The following RALGPS1 variants were observed in gnomAD, a reference collection of about 807,000 sequenced individuals.
RALGPS1 encodes Ral GEF with PH domain and SH3 binding motif 1.
In RALGPS1, 19 loss-of-function variants were observed where a neutral mutation model predicts 78.8. The observed-to-expected ratio is 0.24, with a 90% CI of 0.17 to 0.35. The LOEUF (loss-of-function observed/expected upper bound fraction) is 0.35. Among genes scored for constraint, RALGPS1 ranks in the 10% least tolerant of loss-of-function variants. The pLI, the probability that RALGPS1 is intolerant of heterozygous loss-of-function variation, is 1.00. For missense variants in RALGPS1, 454 were observed against 688.3 expected, an observed-to-expected ratio of 0.66 and a Z score of 3.81; for synonymous variants, 228 against 256.3, an observed-to-expected ratio of 0.89 and a Z score of 1.06.
intron 14 of RALGPS1, among the ~76,000 whole-genome samples, chr9:127,199,597 C>CGAGGATCCCTCTGCCTCCCTG (rs1400578512): frequency 6.6e-6 from 1 of 151,614 alleles, no homozygotes. Context: ...CTGCCTCCCT[C>CGAGGATCCCTCTGCCTCCCTG]GAGGATCCCT....
intron 7 of RALGPS1, among the ~76,000 whole-genome samples, chr9:127,059,716 T>C (rs2049037954): frequency 6.6e-6 from 1 of 152,010 alleles, no homozygotes. Flanking sequence ...AGAACCCTGT[T>C]CCAGCTGTCT....
At chr9:127,073,950 C>T (rs947786647) in intron 8 of RALGPS1, among the ~76,000 whole-genome samples, 1 of 152,114 alleles carries the variant, frequency 6.6e-6, no homozygotes, top group East Asian at 1.9e-4. Context: ...GGCGCCGTCT[C>T]GGCTCACTGC....
At chr9:127,043,385 A>G (rs1023345029) in intron 5 of RALGPS1, among the ~76,000 whole-genome samples, 2 of 124,282 alleles carry the variant, frequency 1.6e-5, no homozygotes, top group Non-Finnish European at 3.5e-5. Flanking sequence ...GAATTTAAAT[A>G]TTTGTGTGTA....
chr9:127,097,410 C>T (rs2053257586), intron 8 of RALGPS1, among the ~76,000 whole-genome samples: 1 of 152,236 alleles, frequency 6.6e-6, no homozygotes, highest in Non-Finnish European at 1.5e-5. Flanking sequence ...TTTCACATGA[C>T]AATCAGGCCC....
chr9:127,004,717 G>A (rs964276052), intron 4 of RALGPS1, among the ~76,000 whole-genome samples: 1 of 152,150 alleles, frequency 6.6e-6, no homozygotes, highest in South Asian at 2.1e-4. Flanking sequence ...AAAATATATT[G>A]TGAAGCTTAC....
intron 8 of RALGPS1, among the ~76,000 whole-genome samples, chr9:127,148,723 C>T (rs2058245752): frequency 6.6e-6 from 1 of 152,266 alleles, no homozygotes; most frequent in Non-Finnish European, 1.5e-5. Context: ...ATGGAGAATC[C>T]CCTTCCCCAA....
intron 8 of RALGPS1, among the ~76,000 whole-genome samples, chr9:127,084,772 A>G (rs1472247233): frequency 1.3e-5 from 2 of 152,270 alleles, no homozygotes; most frequent in Admixed American, 6.5e-5. Context: ...GTGCGGGGCC[A>G]TGCCCTTTGC....
intron 8 of RALGPS1, among the ~76,000 whole-genome samples, chr9:127,105,955 CTG>C (rs1229256183): frequency 1.3e-5 from 2 of 152,228 alleles, no homozygotes; most frequent in Admixed American, 1.3e-4. Flanking sequence ...CAGCATAACA[CTG>C]TGAGGTTATG....
chr9:127,166,112 T>C lies in RALGPS1; in HGVS notation c.654T>C (p.Pro218=), dbSNP rs1336834629. The change falls in exon 9 of 19, where the codon CCT becomes CCC. Residue 218 remains proline (P), a synonymous_variant. Transcript: ENST00000259351. Reference sequence around the variant, plus strand: ...TAATCTACATTGATTCTGCATATCCTGCCTCAGGCAGTATCATGGAAAATG... The same window carrying C: ...TAATCTACATTGATTCTGCATATCCCGCCTCAGGCAGTATCATGGAAAATG... ...LDLIYIDSAY[P]ASGSIMENEQ... The C allele has an allele frequency of 6.2e-7, 1 of 1,611,978 alleles. No homozygotes were observed. The highest frequency in any genetic ancestry group is 1.3e-5 in the African/African-American group (1 of 75,000).
intron 8 of RALGPS1, among the ~76,000 whole-genome samples, chr9:127,152,547 C>G (rs562413355): frequency 5.9e-5 from 9 of 152,266 alleles, no homozygotes; most frequent in African/African-American, 2.2e-4. Context: ...GTTTCCATAG[C>G]CTTGGATCAC....
At chr9:127,191,982 C>T (rs2061085781) in intron 11 of RALGPS1, among the ~76,000 whole-genome samples, 1 of 152,200 alleles carries the variant, frequency 6.6e-6, no homozygotes, top group African/African-American at 2.4e-5. Context: ...GAGGCGTGAG[C>T]CACGGCGCCC....
In RALGPS1 at chr9:127,212,132, C is replaced by T. The variant is rs1157054200; in HGVS notation, c.1249C>T (p.Pro417Ser). The T allele has an allele frequency of 6.2e-7, 1 of 1,610,820 alleles. No homozygotes were observed. The highest frequency in any genetic ancestry group is 1.3e-5 in the African/African-American group (1 of 74,784). The change falls in exon 15 of 19, where the codon CCC becomes TCC. Residue 417 changes from proline (P) to serine (S), a missense_variant and splice_region_variant. Physicochemically the swap from Pro to Ser is moderately conservative, Grantham distance 74 (BLOSUM62 -1). Coordinates refer to ENST00000259351, the MANE Select transcript of RALGPS1 (RefSeq NM_014636.3). The surrounding 1 kb of genome is among the most constrained non-coding windows in gnomAD (Gnocchi z 6.0). ...SEEMSSGLES[P>S]TGPCICSLGN... is the part of the protein sequence containing the mutation. Reference sequence around the variant, plus strand: ...GTCTGACTGGTAGTCTCTCCTCAGCCCCACCGGCCCGTGCATCTGTTCTCT... The same window carrying T: ...GTCTGACTGGTAGTCTCTCCTCAGCTCCACCGGCCCGTGCATCTGTTCTCT...
chr9:127,170,152 A>T (rs1233581595), intron 10 of RALGPS1, among the ~76,000 whole-genome samples: 1 of 152,140 alleles, frequency 6.6e-6, no homozygotes, highest in Non-Finnish European at 1.5e-5. Flanking sequence ...AACTGTAGAG[A>T]ACTGTAGCCA....
chr9:127,047,602 G>A (rs1191281217), intron 5 of RALGPS1, among the ~76,000 whole-genome samples: 3 of 152,022 alleles, frequency 2.0e-5, no homozygotes, highest in Non-Finnish European at 4.4e-5. Flanking sequence ...AGGAGGCTGA[G>A]GCAGGAGAAT....
intron 1 of RALGPS1, among the ~76,000 whole-genome samples, chr9:126,944,606 A>T (rs767178677): frequency 6.6e-6 from 1 of 152,038 alleles, no homozygotes; most frequent in Non-Finnish European, 1.5e-5. Flanking sequence ...GTGGGATAGG[A>T]TATGAGAATA....
At chr9:126,960,172 C>CTCCCT (rs1381982060) in intron 1 of RALGPS1, among the ~76,000 whole-genome samples, 1 of 93,072 alleles carries the variant, frequency 1.1e-5, no homozygotes, top group African/African-American at 4.9e-5. Flanking sequence ...CCTTCCCTCC[C>CTCCCT]TCCCTCCCTC....
intron 8 of RALGPS1, among the ~76,000 whole-genome samples, chr9:127,129,486 CCATT>C (rs2056860622): frequency 6.6e-6 from 1 of 152,168 alleles, no homozygotes; most frequent in African/African-American, 2.4e-5. Context: ...GCTGAAATTC[CCATT>C]CCAAAGACCA....
chr9:126,938,619 C>A (rs1588527114), intron 1 of RALGPS1, among the ~76,000 whole-genome samples: 2 of 152,230 alleles, frequency 1.3e-5, no homozygotes, highest in South Asian at 4.1e-4. Context: ...TATTTGTACA[C>A]CCCTACTGGG....
chr9:126,949,994 G>C lies in RALGPS1; in HGVS notation c.-65-12231G>C, dbSNP rs538281604. On this transcript the variant is annotated intron_variant, in intron 1 of 18. Transcript: ENST00000259351. ...CCATCTTGAATTAATTTTTGTATAA[G>C]GTGTAAGGAAGGGATCCAGTTTCAG... Among the ~76,000 whole-genome samples, 11 of 152,248 alleles carry C rather than the reference G, an allele frequency of 7.2e-5. No individual in the cohort carries two copies. The East Asian group carries it at 1.2e-3, about 16-fold the overall frequency.
Sources: gnomAD v4.1 joint callset for allele counts (sites outside exome capture counted in the v4.1 genomes callset) on GRCh38, gnomAD v4.1.1 for gene constraint, Gnocchi (gnomAD v3.1) non-coding constraint, MANE v1.5 for transcripts, NCBI Gene and HGNC (gene_info 2026-07-23, HGNC 2026-07-21) for gene names.